PRKN: variants seen among roughly 807,000 people sequenced by gnomAD.
PRKN encodes E3 ubiquitin-protein ligase parkin.
PRKN carries 56 observed loss-of-function variants against 59.5 expected under a neutral mutation model. The ratio of observed to expected loss-of-function variants is 0.94; its 90% CI spans 0.76 to 1.18. The LOEUF (loss-of-function observed/expected upper bound fraction) is 1.18, where lower values mean the gene tolerates loss of function less well. PRKN is among the 50% of genes most tolerant of loss of function. PRKN has a pLI of 0.00. For synonymous variants in PRKN, 250 were observed against 222.1 expected, an observed-to-expected ratio of 1.13 and a Z score of -1.12; for missense variants, 657 against 596.4, an observed-to-expected ratio of 1.10 and a Z score of -1.06.
chr6:162,232,236 A>G (rs994810243), intron 3 of PRKN, among the ~76,000 whole-genome samples: 23 of 152,150 alleles, frequency 1.5e-4, no homozygotes, highest in African/African-American at 5.6e-4. Context: ...AGCCTAGCTC[A>G]CGGCACTGTT....
At chr6:161,351,380 A>G (rs1784545291) in intron 11 of PRKN, among the ~76,000 whole-genome samples, 1 of 150,120 alleles carries the variant, frequency 6.7e-6, no homozygotes, top group African/African-American at 2.5e-5. Flanking sequence ...GCTGGAGTGC[A>G]GTGGCGAGAT....
At chr6:162,182,871 T>C (rs1424529757) in intron 4 of PRKN, among the ~76,000 whole-genome samples, 4 of 152,172 alleles carry the variant, frequency 2.6e-5, no homozygotes, top group African/African-American at 4.8e-5. Context: ...TAAATAACTA[T>C]TGTATTATTT....
intron 9 of PRKN, among the ~76,000 whole-genome samples, chr6:161,438,735 C>T (rs928226189): frequency 2.0e-5 from 3 of 152,110 alleles, no homozygotes; most frequent in Admixed American, 6.5e-5. Context: ...CCGTTAAGTG[C>T]TCTATCATTA....
At chr6:161,794,649 C>A (rs2128208898) in intron 6 of PRKN, among the ~76,000 whole-genome samples, 1 of 152,220 alleles carries the variant, frequency 6.6e-6, no homozygotes, top group Admixed American at 6.5e-5. Context: ...CTTTCCCATT[C>A]ACGAATCCCT....
At chr6:162,496,074 T>C (rs770525998) in intron 1 of PRKN, among the ~76,000 whole-genome samples, 5 of 151,838 alleles carry the variant, frequency 3.3e-5, no homozygotes, top group Non-Finnish European at 7.4e-5. Context: ...CCTGTCTCTA[T>C]TAAAAATACA....
intron 7 of PRKN, among the ~76,000 whole-genome samples, chr6:161,676,712 T>C (rs983240113): frequency 6.6e-6 from 1 of 152,160 alleles, no homozygotes; most frequent in African/African-American, 2.4e-5. Context: ...TGCCTTAGAT[T>C]GGCAGGCCTA....
At chr6:161,511,517 A>C (rs1459912965) in intron 9 of PRKN, among the ~76,000 whole-genome samples, 1 of 152,166 alleles carries the variant, frequency 6.6e-6, no homozygotes, top group Non-Finnish European at 1.5e-5. Flanking sequence ...CAAAATAATA[A>C]TGCATCTTTC....
At chr6:162,699,062 T>C (rs1026287118) in intron 1 of PRKN, among the ~76,000 whole-genome samples, 2 of 152,204 alleles carry the variant, frequency 1.3e-5, no homozygotes, top group East Asian at 1.9e-4. Context: ...GATTAGGTGA[T>C]AGCTGGTACT....
At chr6:161,908,040 T>G (rs1778213490) in intron 6 of PRKN, among the ~76,000 whole-genome samples, 1 of 152,098 alleles carries the variant, frequency 6.6e-6, no homozygotes, top group East Asian at 1.9e-4. Flanking sequence ...ATCAAGCCAC[T>G]GCACTCCAGC....
chr6:162,639,221 C>T (rs976327729), intron 1 of PRKN, among the ~76,000 whole-genome samples: 17 of 152,148 alleles, frequency 1.1e-4, no homozygotes, highest in African/African-American at 4.1e-4. Context: ...GGATTCTCCA[C>T]AGTCAATGGC....
chr6:161,994,832 A>C (rs1355741368), intron 5 of PRKN, among the ~76,000 whole-genome samples: 1 of 152,108 alleles, frequency 6.6e-6, no homozygotes, highest in Non-Finnish European at 1.5e-5. Context: ...CAATGGAAAG[A>C]CATGCCCTGC....
At chr6:161,754,285 G>A (rs1788818282) in intron 7 of PRKN, among the ~76,000 whole-genome samples, 1 of 151,998 alleles carries the variant, frequency 6.6e-6, no homozygotes, top group South Asian at 2.1e-4. Flanking sequence ...AGAAAAGTGT[G>A]GGCTGAGAGG....
rs935015652 is a variant in PRKN at position 161,363,071 on chromosome 6, G to A, written c.1168-2866C>T. Among the ~76,000 whole-genome samples, 16 of 152,000 alleles carry A rather than the reference G, an allele frequency of 1.1e-4. No individual in the cohort carries two copies. The highest frequency in any genetic ancestry group is 2.4e-4 in the African/African-American group (10 of 41,358). ...AGCCTGGCCAACATGGTGAAACCTC[G>A]TCTCTGCTAAAAACACAACGATTAG... is the stretch of plus-strand genomic sequence containing the variant. On this transcript the variant is annotated intron_variant, in intron 10 of 11. Coordinates refer to ENST00000366898, the MANE Select transcript of PRKN (RefSeq NM_004562.3). This position sits in a 1 kb window ranked among gnomAD's most constrained non-coding sequence, Gnocchi z 4.1.
intron 6 of PRKN, among the ~76,000 whole-genome samples, chr6:161,807,091 T>C (rs1791362094): frequency 6.6e-6 from 1 of 152,338 alleles, no homozygotes; most frequent in African/African-American, 2.4e-5. Context: ...TTCATGTTTT[T>C]CTCAGTACAA....
chr6:162,704,587 C>T (rs952799070), intron 1 of PRKN, among the ~76,000 whole-genome samples: 3 of 152,130 alleles, frequency 2.0e-5, no homozygotes, highest in African/African-American at 7.2e-5. Context: ...CAAACATGCA[C>T]CTTAAATGTG....
chr6:161,670,591 G>GGATCATGA (rs1156832567), intron 7 of PRKN, among the ~76,000 whole-genome samples: 1 of 152,132 alleles, frequency 6.6e-6, no homozygotes, highest in African/African-American at 2.4e-5. Context: ...CGAGGCGGGT[G>GGATCATGA]GATCATGAGG....
chr6:162,596,977 G>A (rs1437782428), intron 1 of PRKN, among the ~76,000 whole-genome samples: 2 of 152,120 alleles, frequency 1.3e-5, no homozygotes, highest in Non-Finnish European at 2.9e-5. Flanking sequence ...TCAGACACAC[G>A]TGACCTTCAA....
chr6:162,253,329 T>TTTA (rs952426312), intron 3 of PRKN, among the ~76,000 whole-genome samples: 4 of 151,734 alleles, frequency 2.6e-5, no homozygotes, highest in African/African-American at 9.7e-5. Context: ...TGTTTCTCCA[T>TTTA]AATAAGCAGC....
chr6:161,905,324 A>AC, intron 6 of PRKN, among the ~76,000 whole-genome samples: 1 of 152,314 alleles, frequency 6.6e-6, no homozygotes, highest in South Asian at 2.1e-4. Context: ...AACCTGGGTC[A>AC]CCCCAGGAGG....
Sources: allele counts gnomAD v4.1 joint callset (sites outside exome capture counted in the v4.1 genomes callset), GRCh38; gene constraint gnomAD v4.1.1; non-coding constraint Gnocchi (gnomAD v3.1); transcripts MANE v1.5; gene names NCBI Gene and HGNC (gene_info 2026-07-23, HGNC 2026-07-21).